SLC19A1: variants seen among roughly 807,000 people sequenced by gnomAD.
SLC19A1 encodes solute carrier family 19 member 1.
A neutral mutation model predicts 35.3 loss-of-function variants in SLC19A1; 37 were observed. The observed-to-expected ratio is 1.05, with a 90% CI of 0.81 to 1.38. SLC19A1 has a LOEUF of 1.38. Among genes scored for constraint, SLC19A1 ranks in the 40% most tolerant of loss-of-function variants. SLC19A1 has a pLI of 0.00. For missense variants in SLC19A1, 831 were observed against 826.9 expected, an observed-to-expected ratio of 1.00 and a Z score of -0.06; for synonymous variants, 460 against 398.5, an observed-to-expected ratio of 1.15 and a Z score of -1.84.
In SLC19A1 at chr21:45,537,970, C is replaced by T. The variant is rs551982200; in HGVS notation, c.-11G>A. On this transcript the variant is annotated 5_prime_UTR_variant, in exon 2 of 6. Coordinates refer to ENST00000311124, the MANE Select transcript of SLC19A1 (RefSeq NM_194255.4). ...GCTGGAGGGCACCATCCTGCTCAGG[C>T]CACGTGCAGCTCCGGAGGGGACGAA... 3 of 1,532,120 alleles carry T rather than the reference C, an allele frequency of 2.0e-6. No homozygotes were observed. Among genetic ancestry groups the T allele is most frequent in the South Asian group, 2.4e-5 (2 of 83,158 alleles). 94.9% of individuals were successfully genotyped at this position (1,532,120 alleles called of 1,614,324 possible). A position where few individuals can be genotyped will look rare whatever the true frequency, so the allele number is the denominator to read the frequency against.
At chr21:45,538,929 C>T (rs901858832) in intron 1 of SLC19A1, among the ~76,000 whole-genome samples, 7 of 152,162 alleles carry the variant, frequency 4.6e-5, no homozygotes, top group Non-Finnish European at 7.3e-5. Flanking sequence ...AGCAGCAGCA[C>T]GAAGCACACT....
chr21:45,515,603 G>T lies in SLC19A1; in HGVS notation c.*55C>A, dbSNP rs1396724697. 1 of 1,608,374 alleles carries T rather than the reference G, an allele frequency of 6.2e-7. No homozygotes were observed. Among genetic ancestry groups the T allele is most frequent in the Non-Finnish European group, 8.5e-7 (1 of 1,179,330 alleles). ...AAGGCAGGCGGCCCTCGAGGCAGGG[G>T]TCGTGGGGATGCACTGAGGGCCGCC... On this transcript the variant is annotated 3_prime_UTR_variant, in exon 6 of 6. Transcript: ENST00000311124.
At chr21:45,539,726 T>G (rs2078244713) in intron 1 of SLC19A1, among the ~76,000 whole-genome samples, 1 of 152,154 alleles carries the variant, frequency 6.6e-6, no homozygotes, top group South Asian at 2.1e-4. Flanking sequence ...CAGCATCATC[T>G]GGGGTCCCGT....
Position 45,512,706 on chromosome 21 carries a change from C to T in SLC19A1, c.*2952G>A. 2.2e-6 allele frequency: 1 copy of T among 448,482 alleles called. No individual in the cohort carries two copies. Among genetic ancestry groups the T allele is most frequent in the African/African-American group, 2.0e-5 (1 of 50,466 alleles). 27.8% of individuals were successfully genotyped at this position (448,482 alleles called of 1,614,324 possible). The stretch of plus-strand genomic sequence containing the variant: ...ACCTCTTGGCCTGATCAGACCACGG[C>T]TCGATTTCTCCAGGATTTCCTGCTT... On this transcript the variant is annotated 3_prime_UTR_variant, in exon 6 of 6. Coordinates refer to ENST00000311124, the MANE Select transcript of SLC19A1 (RefSeq NM_194255.4).
chr21:45,504,141 C>T (rs2037038458), intron 3 of SLC19A1: 4 of 1,457,524 alleles, frequency 2.7e-6, no homozygotes, highest in Non-Finnish European at 2.9e-6. Context: ...CCCCATCCGG[C>T]CCAAGCCCCC....
intron 3 of SLC19A1, chr21:45,505,160 C>G: frequency 6.2e-7 from 1 of 1,607,962 alleles, no homozygotes; most frequent in Non-Finnish European, 8.5e-7. Flanking sequence ...GCATCCGGGG[C>G]CAGCCCGGCC....
rs1051298 is a variant in SLC19A1 at position 45,514,912 on chromosome 21, G to A, written c.*746C>T. The A allele has an allele frequency of 0.45, 576,820 of 1,285,862 alleles. 130,437 individuals are homozygous for A. Among genetic ancestry groups the A allele is most frequent in the East Asian group, 0.57 (19,994 of 34,874 alleles). 79.7% of individuals were successfully genotyped at this position (1,285,862 alleles called of 1,614,324 possible). On this transcript the variant is annotated 3_prime_UTR_variant, in exon 6 of 6. Transcript: ENST00000311124. ...GGCACATACCAAGGCCAGCACGTCCGCGGTGACCGGGACCAGTCCCCTCCG... is the reference window on the plus strand; with the variant it reads ...GGCACATACCAAGGCCAGCACGTCCACGGTGACCGGGACCAGTCCCCTCCG...
At position 45,540,567 on chromosome 21, in the gene SLC19A1, T is replaced by C. The variant is rs549872375; in HGVS notation, c.-50+1801A>G. Among the ~76,000 whole-genome samples the C allele has an allele frequency of 6.6e-6, 1 of 152,302 alleles. No individual in the cohort carries two copies. Among genetic ancestry groups the C allele is most frequent in the Non-Finnish European group, 1.5e-5 (1 of 68,018 alleles). ...CTGCTGCCAGCATACTCAACTTATGTGCCGTGAACGTAGCCCACTGACAGA... is the reference window on the plus strand; with the variant it reads ...CTGCTGCCAGCATACTCAACTTATGCGCCGTGAACGTAGCCCACTGACAGA... On this transcript the variant is annotated intron_variant, in intron 1 of 5. Transcript: ENST00000311124. The surrounding 1 kb of genome is among the most constrained non-coding windows in gnomAD (Gnocchi z 5.5).
At chr21:45,546,863 C>T (rs2078421252), upstream of SLC19A1, among the ~76,000 whole-genome samples, 1 of 152,190 alleles carries the variant, frequency 6.6e-6, no homozygotes, top group Non-Finnish European at 1.5e-5. Flanking sequence ...GCCACAATCA[C>T]AGGCATGCAT....
rs1202938262 is a variant in SLC19A1, at chr21:45,517,357, G to C, written c.1294-1217C>G. Among the ~76,000 whole-genome samples the C allele has an allele frequency of 6.6e-6, 1 of 152,072 alleles. No individual in the cohort carries two copies. Among genetic ancestry groups the C allele is most frequent in the Non-Finnish European group, 1.5e-5 (1 of 68,002 alleles). ...TCGGCTCCACCCACCATGTCAGCAA[G>C]GACCCCCCACCCTCGCCAGCCTGTA... On this transcript the variant is annotated intron_variant, in intron 5 of 5. Transcript: ENST00000311124. This position sits in a 1 kb window ranked among gnomAD's most constrained non-coding sequence, Gnocchi z 4.4.
In SLC19A1 at chr21:45,536,652, T is replaced by C. The variant is rs531028685; in HGVS notation, c.189+1119A>G. The C allele has an allele frequency of 1.6e-4, 27 of 167,998 alleles. No homozygotes were observed. The East Asian group carries it at 3.9e-3, about 24-fold the overall frequency. 10.4% of individuals were successfully genotyped at this position (167,998 alleles called of 1,614,324 possible). A position where few individuals can be genotyped will look rare whatever the true frequency, so the allele number is the denominator to read the frequency against. Reference sequence around the variant, plus strand: ...CACCTCCACTGTCCCAATAGCACACTCCTCAGCTGCACATCAGTTTCACAA... The same window carrying C: ...CACCTCCACTGTCCCAATAGCACACCCCTCAGCTGCACATCAGTTTCACAA... On this transcript the variant is annotated intron_variant, in intron 2 of 5. Transcript: ENST00000311124.
At chr21:45,508,678 C>G (rs1410363517), downstream of SLC19A1, among the ~76,000 whole-genome samples, 1 of 152,204 alleles carries the variant, frequency 6.6e-6, no homozygotes, top group Non-Finnish European at 1.5e-5. Context: ...AGCGGCCTGT[C>G]TCCTCACAGG....
In SLC19A1 at chr21:45,530,735, G is replaced by A. The variant is rs899924126; in HGVS notation, c.1151+35C>T. 4 of 1,541,414 alleles carry A rather than the reference G, an allele frequency of 2.6e-6. No individual in the cohort carries two copies. The Admixed American group carries it at 5.9e-5, about 23-fold the overall frequency. ...AGCGCGGGGCTTGATCCTGGCGCCT[G>A]CCCGCCCCCGGCTTCCCACCCTTCT... is the stretch of plus-strand genomic sequence containing the variant. On this transcript the variant is annotated intron_variant, in intron 4 of 5. Transcript: ENST00000311124. This position sits in a 1 kb window ranked among gnomAD's most constrained non-coding sequence, Gnocchi z 5.3.
downstream of SLC19A1, chr21:45,507,602 C>A (rs1303619540): frequency 2.5e-6 from 4 of 1,612,864 alleles, no homozygotes; most frequent in Non-Finnish European, 3.4e-6. Flanking sequence ...CGGTAAGGAG[C>A]CTTTTTTCTG....
intron 2 of SLC19A1, chr21:45,536,284 ACTTTT>A: frequency 6.5e-6 from 1 of 153,794 alleles, no homozygotes. Flanking sequence ...TGCTCTAGAG[ACTTTT>A]CTTATTTTGT....
At chr21:45,511,820 G>A (rs1211518104), downstream of SLC19A1, among the ~76,000 whole-genome samples, 4 of 152,202 alleles carry the variant, frequency 2.6e-5, no homozygotes, top group African/African-American at 9.7e-5. Flanking sequence ...GGCAGGGCTG[G>A]GCCCCAGGGA....
intron 3 of SLC19A1, among the ~76,000 whole-genome samples, chr21:45,504,717 G>A (rs1054423152): frequency 6.6e-6 from 1 of 152,056 alleles, no homozygotes; most frequent in Admixed American, 6.5e-5. Context: ...GACGCAGCAG[G>A]CCACATGGGT....
At chr21:45,505,791 C>T (rs1424623041) in intron 3 of SLC19A1, 4 of 1,404,106 alleles carry the variant, frequency 2.8e-6, no homozygotes, top group African/African-American at 2.8e-5. Flanking sequence ...GCCCCTGCCC[C>T]CCGCCCTCCC....
intron 1 of SLC19A1, among the ~76,000 whole-genome samples, chr21:45,562,465 G>GA (rs914610724): frequency 7.2e-5 from 11 of 152,032 alleles, no homozygotes; most frequent in African/African-American, 2.7e-4. Context: ...TGAAACAACT[G>GA]AAAAAAACAG....
Sources: allele counts gnomAD v4.1 joint callset (sites outside exome capture counted in the v4.1 genomes callset), GRCh38; gene constraint gnomAD v4.1.1; non-coding constraint Gnocchi (gnomAD v3.1); transcripts MANE v1.5; gene names NCBI Gene and HGNC (gene_info 2026-07-23, HGNC 2026-07-21).